Variants in MTHFD2L observed in about 807,000 individuals in gnomAD.
MTHFD2L encodes the protein methylenetetrahydrofolate dehydrogenase (NADP+ dependent) 2 like.
MTHFD2L carries 29 observed loss-of-function variants against 34.9 expected under a neutral mutation model. The observed-to-expected ratio is 0.83, with a 90% confidence interval of 0.62 to 1.13. MTHFD2L has a LOEUF of 1.13. Ranked by LOEUF, MTHFD2L falls within the 50% of genes most tolerant of loss-of-function variation. MTHFD2L has a pLI of 0.00. For synonymous variants in MTHFD2L, 167 were observed against 155.7 expected (o/e 1.07, Z -0.54); for missense variants, 481 against 446.5 (o/e 1.08, Z -0.70).
At chr4:74,234,197 T>C (rs1214943953) in intron 6 of MTHFD2L, among the ~76,000 whole-genome samples, 2 of 152,066 alleles carry the variant, frequency 1.3e-5, no homozygotes, top group Non-Finnish European at 2.9e-5. Flanking sequence ...TTTGATATTA[T>C]CACTTTGTTA....
intron 6 of MTHFD2L, among the ~76,000 whole-genome samples, chr4:74,239,641 T>G (rs1741407114): frequency 6.6e-6 from 1 of 152,180 alleles, no homozygotes; most frequent in Non-Finnish European, 1.5e-5. Flanking sequence ...AGTGTGGGCT[T>G]TATGATTGTG....
intron 1 of MTHFD2L, among the ~76,000 whole-genome samples, chr4:74,164,265 T>C (rs376014430): frequency 6.6e-6 from 1 of 152,206 alleles, no homozygotes; most frequent in African/African-American, 2.4e-5. Flanking sequence ...AAGATATGGA[T>C]TTGCCAAGTA....
At chr4:74,174,173 C>G (rs933623865) in intron 1 of MTHFD2L, among the ~76,000 whole-genome samples, 4 of 152,064 alleles carry the variant, frequency 2.6e-5, no homozygotes, top group African/African-American at 4.8e-5. Context: ...TATGAGGGCT[C>G]TATCCTCATG....
At chr4:74,235,025 A>G (rs1000967272) in intron 6 of MTHFD2L, among the ~76,000 whole-genome samples, 1 of 152,172 alleles carries the variant, frequency 6.6e-6, no homozygotes, top group Non-Finnish European at 1.5e-5. Context: ...AATGCTATGC[A>G]TATAGCAAAG....
chr4:74,229,780 A>G (rs1471686547), intron 6 of MTHFD2L, among the ~76,000 whole-genome samples: 1 of 152,162 alleles, frequency 6.6e-6, no homozygotes, highest in African/African-American at 2.4e-5. Flanking sequence ...ACCCTGTCAC[A>G]CTATGCAATT....
chr4:74,294,018 G>C (rs974764372), intron 7 of MTHFD2L, among the ~76,000 whole-genome samples: 2 of 152,096 alleles, frequency 1.3e-5, no homozygotes, highest in Non-Finnish European at 2.9e-5. Context: ...TTTTGGGGGA[G>C]GGAGTTGACT....
At chr4:74,164,976 T>A in intron 1 of MTHFD2L, 1 of 985,372 alleles carries the variant, frequency 1.0e-6, no homozygotes, top group Admixed American at 6.1e-5. Context: ...GGGCACATCA[T>A]GTAAACAATA....
intron 1 of MTHFD2L, chr4:74,160,311 T>C: frequency 3.1e-6 from 1 of 319,206 alleles, no homozygotes; most frequent in Non-Finnish European, 6.1e-6. Flanking sequence ...TTAACAGATT[T>C]ATCACCATTT....
intron 5 of MTHFD2L, among the ~76,000 whole-genome samples, chr4:74,221,406 A>G (rs1437884058): frequency 6.6e-6 from 1 of 151,752 alleles, no homozygotes; most frequent in African/African-American, 2.4e-5. Flanking sequence ...TTTTGTTTCT[A>G]TATATATCTC....
intron 1 of MTHFD2L, among the ~76,000 whole-genome samples, chr4:74,167,570 A>C (rs1289546146): frequency 6.6e-6 from 1 of 152,218 alleles, no homozygotes; most frequent in Non-Finnish European, 1.5e-5. Flanking sequence ...CCCAGGGTAC[A>C]GGGTTGGGAA....
chr4:74,205,607 G>T (rs914530322), intron 5 of MTHFD2L, among the ~76,000 whole-genome samples: 4 of 152,090 alleles, frequency 2.6e-5, no homozygotes, highest in Non-Finnish European at 5.9e-5. Context: ...TTCCCCAAGG[G>T]CTTGAAATAT....
intron 6 of MTHFD2L, among the ~76,000 whole-genome samples, chr4:74,261,711 A>G (rs1300274220): frequency 6.6e-6 from 1 of 152,068 alleles, no homozygotes; most frequent in Non-Finnish European, 1.5e-5. Flanking sequence ...ATTAGCATCC[A>G]CATATTTATA....
intron 1 of MTHFD2L, among the ~76,000 whole-genome samples, chr4:74,163,679 G>C (rs986123910): frequency 1.1e-4 from 16 of 152,202 alleles, no homozygotes; most frequent in South Asian, 6.2e-4. Context: ...CACTTCAAAA[G>C]ACTCCCTATA....
chr4:74,267,698 G>A (rs1745487026), intron 6 of MTHFD2L: 2 of 985,324 alleles, frequency 2.0e-6, no homozygotes, highest in Non-Finnish European at 2.4e-6. Flanking sequence ...GCCTCTTAAA[G>A]TTCTGGGATT....
chr4:74,133,324 AC>A (rs1374172283), intron 1 of MTHFD2L, among the ~76,000 whole-genome samples: 1 of 151,800 alleles, frequency 6.6e-6, no homozygotes, highest in Non-Finnish European at 1.5e-5. Flanking sequence ...GTGTTCCCTG[AC>A]CTTTCTATAT....
intron 6 of MTHFD2L, among the ~76,000 whole-genome samples, chr4:74,253,656 G>A (rs1743615443): frequency 6.6e-6 from 1 of 152,044 alleles, no homozygotes; most frequent in Non-Finnish European, 1.5e-5. Context: ...CACCACCATG[G>A]CCCCAGGCTC....
intron 6 of MTHFD2L, among the ~76,000 whole-genome samples, chr4:74,275,241 C>T (rs893827379): frequency 1.3e-5 from 2 of 152,134 alleles, no homozygotes; most frequent in African/African-American, 4.8e-5. Flanking sequence ...ATAATGGCTT[C>T]CAGCTTCATC....
intron 1 of MTHFD2L, among the ~76,000 whole-genome samples, chr4:74,128,552 C>T (rs968503268): frequency 1.2e-4 from 18 of 152,120 alleles, no homozygotes; most frequent in African/African-American, 4.3e-4. Flanking sequence ...TATCTGGGTT[C>T]TCTATTCTAT....
intron 1 of MTHFD2L, 89 bp downstream of exon 1, chr4:74,158,370 G>C: frequency 1.0e-6 from 1 of 989,628 alleles, no homozygotes; most frequent in Non-Finnish European, 1.2e-6. Context: ...TGGGGCCCAA[G>C]GCTCGTGGGC....
Sources: allele counts gnomAD v4.1 joint callset (sites outside exome capture counted in the v4.1 genomes callset), GRCh38; gene constraint gnomAD v4.1.1; transcripts MANE v1.5; gene names NCBI Gene and HGNC (gene_info 2026-07-23, HGNC 2026-07-21).